Variants in EIF2B5 observed in about 807,000 individuals in gnomAD.
The protein encoded by EIF2B5 is translation initiation factor eIF2B subunit epsilon.
Under a neutral mutation model 87.3 loss-of-function variants are expected in EIF2B5, and 38 were observed. That is an observed-to-expected ratio of 0.44 (90% CI 0.34 to 0.57). EIF2B5 has a LOEUF of 0.57. Among genes scored for constraint, EIF2B5 ranks in the 20% least tolerant of loss-of-function variants. The pLI is 0.02. For synonymous variants in EIF2B5, 313 were observed against 339.6 expected (o/e 0.92, Z 0.86); for missense variants, 784 against 909.5 (o/e 0.86, Z 1.78).
chr3:184,142,875 A>C lies in EIF2B5; in HGVS notation c.1643A>C (p.Asp548Ala), dbSNP rs780453961. 1 of 1,613,608 alleles carries C rather than the reference A, an allele frequency of 6.2e-7. No homozygotes were observed. Among genetic ancestry groups the C allele is most frequent in the Non-Finnish European group, 8.5e-7 (1 of 1,179,794 alleles). ...AGCCGGGGAGGCTCCCCTCAGATGG[A>C]TGACATCAAAGGTGAGTGGCAGGGG... ...PDSRGGSPQM[D>A]DIKVFQNEVL... The change falls in exon 11 of 16, where the codon GAT (aspartate) becomes GCT (alanine). Residue 548 changes from aspartate (D) to alanine (A), a missense_variant. Asp to Ala is a moderately radical substitution (Grantham distance 126). Around this residue, in one of 3 missense-constraint regions of EIF2B5, gnomAD observed 660 missense variants for 789.5 expected, o/e 0.84. Transcript: ENST00000648915. The surrounding 1 kb of genome is among the most constrained non-coding windows in gnomAD (Gnocchi z 5.0).
At chr3:184,140,781 G>A in intron 7 of EIF2B5, 51 bp downstream of exon 7, 4 of 1,601,198 alleles carry the variant, frequency 2.5e-6, no homozygotes, top group Non-Finnish European at 3.4e-6. Context: ...AGGAACCTGG[G>A]GGGGCCACGT....
chr3:184,137,914 G>GA lies in EIF2B5; in HGVS notation c.530dup (p.Asn177LysfsTer31). 6.2e-7 allele frequency: 1 copy of GA among 1,614,128 alleles called. No homozygotes were observed. The highest frequency in any genetic ancestry group is 8.5e-7 in the Non-Finnish European group (1 of 1,180,022). On this transcript the variant is annotated frameshift_variant, in exon 4 of 16. Transcript: ENST00000648915. LOFTEE classifies it high-confidence loss of function. ...CCTTTATAGGTTGAGACGGAAGCTA[G>GA]AAAAAAATGTTTCTGTGATGACGAT...
intron 7 of EIF2B5, 95 bp downstream of exon 7, chr3:184,140,825 C>A: frequency 7.1e-7 from 1 of 1,416,008 alleles, no homozygotes; most frequent in Non-Finnish European, 9.9e-7. Context: ...ACACAAGGGA[C>A]AGTCCCTGGG....
chr3:184,135,528 T>C lies in EIF2B5; in HGVS notation c.143T>C (p.Val48Ala). Residue 48 changes from valine to alanine, a missense_variant, in exon 1 of 16, where the codon GTG becomes GCG. By Grantham distance (64) the Val-to-Ala change is moderately conservative. Around this residue, in one of 3 missense-constraint regions of EIF2B5, gnomAD observed 117 missense variants for 101.0 expected, o/e 1.16. Transcript: ENST00000648915. Reference protein sequence around the residue: ...EPPPPLQAVLVADSFDRRFFP... With the variant: ...EPPPPLQAVLAADSFDRRFFP... ...CCGCCGCCCCTACAAGCAGTTCTGGTGGCCGATAGCTTCGATCGCCGCTTC... is the reference window on the plus strand; with the variant it reads ...CCGCCGCCCCTACAAGCAGTTCTGGCGGCCGATAGCTTCGATCGCCGCTTC... 1 of 1,590,696 alleles carries C rather than the reference T, an allele frequency of 6.3e-7. No homozygotes were observed. Among genetic ancestry groups the C allele is most frequent in the Non-Finnish European group, 8.6e-7 (1 of 1,169,568 alleles).
chr3:184,138,206 A>G lies in EIF2B5; in HGVS notation c.725A>G (p.Tyr242Cys), dbSNP rs750767613. Residue 242 changes from tyrosine (Y) to cysteine (C), a missense_variant, in exon 5 of 16, where the codon TAT (tyrosine) becomes TGT (cysteine). This residue lies in a region of EIF2B5 where 660 missense variants were observed against 789.5 expected (regional missense o/e 0.84). Coordinates refer to ENST00000648915, the MANE Select transcript of EIF2B5 (RefSeq NM_003907.3). Reference protein sequence around the residue: ...QGSSDGVEVRYDLLDCHISIC... With the variant: ...QGSSDGVEVRCDLLDCHISIC... ...AGTAGTGATGGAGTGGAGGTTCGATATGATTTACTGGATTGTCATATCAGC... is the reference window on the plus strand; with the variant it reads ...AGTAGTGATGGAGTGGAGGTTCGATGTGATTTACTGGATTGTCATATCAGC... 1 of 1,614,048 alleles carries G rather than the reference A, an allele frequency of 6.2e-7. No homozygotes were observed. Among genetic ancestry groups the G allele is most frequent in the Non-Finnish European group, 8.5e-7 (1 of 1,180,026 alleles).
Position 184,145,046 on chromosome 3 carries a change from G to A in EIF2B5, c.*103G>A. On this transcript the variant is annotated 3_prime_UTR_variant, in exon 16 of 16. Coordinates refer to ENST00000648915, the MANE Select transcript of EIF2B5 (RefSeq NM_003907.3). This position sits in a 1 kb window ranked among gnomAD's most constrained non-coding sequence, Gnocchi z 4.0. ...CAGAGGGATGAGTGACCACCATCCA[G>A]GCTGAGACTGAAAGGAGCAGAGGCT... 1 of 1,042,296 alleles carries A rather than the reference G, an allele frequency of 9.6e-7. No individual in the cohort carries two copies. Among genetic ancestry groups the A allele is most frequent in the South Asian group, 1.3e-5 (1 of 76,758 alleles). 64.6% of individuals were successfully genotyped at this position (1,042,296 alleles called of 1,614,324 possible).
rs1450024732 is a variant in EIF2B5 at position 184,141,394 on chromosome 3, C to A, written c.1157-531C>A. Among the ~76,000 whole-genome samples, 8 of 152,148 alleles carry A rather than the reference C, an allele frequency of 5.3e-5. No homozygotes were observed. In the East Asian group the frequency reaches 9.6e-4, roughly 18 times the overall value. ...GACCAGCCTGGGCAACATAGCGACACCCCTTCTCCACAAATGATACAAAAA... is the reference window on the plus strand; with the variant it reads ...GACCAGCCTGGGCAACATAGCGACAACCCTTCTCCACAAATGATACAAAAA... On this transcript the variant is annotated intron_variant, in intron 7 of 15. Coordinates refer to ENST00000648915, the MANE Select transcript of EIF2B5 (RefSeq NM_003907.3).
Position 184,140,423 on chromosome 3 carries a change from A to G in EIF2B5, c.849A>G (p.Leu283=), listed in dbSNP as rs1229452758. 3.7e-6 allele frequency: 6 copies of G among 1,614,040 alleles called. No homozygotes were observed. The highest frequency in any genetic ancestry group is 4.2e-6 in the Non-Finnish European group (5 of 1,179,986). Residue 283 remains leucine (L), a synonymous_variant, in exon 7 of 16, where the codon CTA becomes CTG. Transcript: ENST00000648915. ...TCCCTTTCCTTCTCATTCAGATCCT[A>G]GGGAACCAGATCCACATGCACGTAA... The part of the protein sequence containing the change: ...VRGLLVNEEI[L]GNQIHMHVTA...
chr3:184,136,480 T>A, intron 1 of EIF2B5, 132 bp from the exon 2 acceptor site: 1 of 1,233,616 alleles, frequency 8.1e-7, no homozygotes, highest in South Asian at 1.2e-5. Context: ...CAGGAACCTG[T>A]TTATCTTTGA....
rs1391344089 is a variant in EIF2B5 at position 184,142,352 on chromosome 3, A to T, written c.1418A>T (p.Gln473Leu). ...TTCAGTGATGATTCTGGGGCTGACCAAGAAAAGGACAAAGTGAAGATGAAA... is the reference window on the plus strand; with the variant it reads ...TTCAGTGATGATTCTGGGGCTGACCTAGAAAAGGACAAAGTGAAGATGAAA... The part of the protein sequence containing the change: ...GEFSDDSGAD[Q>L]EKDKVKMKGY... The change falls in exon 9 of 16, where the codon CAA (glutamine) becomes CTA (leucine). Residue 473 changes from glutamine (Q) to leucine (L), a missense_variant. Physicochemically the swap from Gln to Leu is moderately radical, Grantham distance 113. This residue lies in a region of EIF2B5 where 660 missense variants were observed against 789.5 expected (regional missense o/e 0.84). Transcript: ENST00000648915. This position sits in a 1 kb window ranked among gnomAD's most constrained non-coding sequence, Gnocchi z 5.0. 6.2e-7 allele frequency: 1 copy of T among 1,614,066 alleles called. No homozygotes were observed. Among genetic ancestry groups the T allele is most frequent in the Non-Finnish European group, 8.5e-7 (1 of 1,180,022 alleles).
At chr3:184,144,026 A>G (rs1713753435) in intron 13 of EIF2B5, 73 bp from the exon 14 acceptor site, 1 of 1,605,206 alleles carries the variant, frequency 6.2e-7, no homozygotes, top group African/African-American at 1.3e-5. Context: ...TGTCATCAGT[A>G]TGGATTTGCT....
In EIF2B5 at chr3:184,144,997, C is replaced by G; in HGVS notation, c.*54C>G. On this transcript the variant is annotated 3_prime_UTR_variant, in exon 16 of 16. Coordinates refer to ENST00000648915, the MANE Select transcript of EIF2B5 (RefSeq NM_003907.3). ...ATTGAGTGCCCTCCTGGCTCCTGGG[C>G]TGGGACAAGTGAGGAACTAGCTGCA... 6.4e-7 allele frequency: 1 copy of G among 1,561,878 alleles called. No homozygotes were observed. Among genetic ancestry groups the G allele is most frequent in the Non-Finnish European group, 8.8e-7 (1 of 1,136,032 alleles).
At chr3:184,138,960 TTG>T (rs1400974065) in intron 5 of EIF2B5, 3 of 238,020 alleles carry the variant, frequency 1.3e-5, no homozygotes, top group Non-Finnish European at 2.6e-5. Context: ...CCAGTTTTTT[TTG>T]TTGTTGTTGT....
At chr3:184,141,871 C>T in intron 7 of EIF2B5, 54 bp from the exon 8 acceptor site, 1 of 1,611,970 alleles carries the variant, frequency 6.2e-7, no homozygotes, top group East Asian at 2.2e-5. Context: ...ATGAAGGGCT[C>T]TGCTCTGCGG....
In EIF2B5 at chr3:184,143,581, AGC is replaced by A; in HGVS notation, c.1869+17_1869+18del. On this transcript the variant is annotated intron_variant, in intron 13 of 15. Transcript: ENST00000648915. Reference sequence around the variant, plus strand: ...GCTGCTTCCTGTGAGCAAAGATTGGAGCTGAGTACAAGGGATTGGGTACAGGC... The same window carrying A: ...GCTGCTTCCTGTGAGCAAAGATTGGATGAGTACAAGGGATTGGGTACAGGC... 2 of 1,614,162 alleles carry A rather than the reference AGC, an allele frequency of 1.2e-6. No homozygotes were observed. Among genetic ancestry groups the A allele is most frequent in the African/African-American group, 2.7e-5 (2 of 75,024 alleles).
chr3:184,143,345 TTCCA>T, intron 12 of EIF2B5, 93 bp from the exon 13 acceptor site: 1 of 1,602,140 alleles, frequency 6.2e-7, no homozygotes. Context: ...TTCCATATTG[TTCCA>T]TCCAGATTCC....
chr3:184,142,070 G>C lies in EIF2B5; in HGVS notation c.1302G>C (p.Gln434His). ...AACCACGCTCTGTCCTCACTTCCCA[G>C]GTGAGACCTGATCTATACTGTGCAC... ...TLKPRSVLTS[Q>H]VVVGPNITLP... The change falls in exon 8 of 16, where the codon CAG becomes CAC. Residue 434 changes from glutamine (Q) to histidine (H), a missense_variant and splice_region_variant. Coordinates refer to ENST00000648915, the MANE Select transcript of EIF2B5 (RefSeq NM_003907.3). The surrounding 1 kb of genome is among the most constrained non-coding windows in gnomAD (Gnocchi z 5.0). 6.2e-7 allele frequency: 1 copy of C among 1,614,146 alleles called. No homozygotes were observed. Among genetic ancestry groups the C allele is most frequent in the Non-Finnish European group, 8.5e-7 (1 of 1,180,034 alleles).
Position 184,143,299 on chromosome 3 carries a change from C to T in EIF2B5, c.1746-143C>T, listed in dbSNP as rs73045908. The T allele has an allele frequency of 0.031, 45,832 of 1,493,448 alleles. 825 individuals are homozygous for T. The highest frequency in any genetic ancestry group is 0.054 in the African/African-American group (3,929 of 72,266). The allele number at this position is 1,493,448 out of a possible 1,614,324, so 92.5% of individuals were successfully genotyped here. A position where few individuals can be genotyped will look rare whatever the true frequency, so the allele number is the denominator to read the frequency against. ...CAAGGAGAGCATTATTAAGTTCTAG[C>T]CTCAGCATAGACTTTCTCCTTCCTA... On this transcript the variant is annotated intron_variant, in intron 12 of 15. Coordinates refer to ENST00000648915, the MANE Select transcript of EIF2B5 (RefSeq NM_003907.3).
Position 184,140,412 on chromosome 3 carries a change from A to G in EIF2B5, c.844-6A>G, listed in dbSNP as rs775028510. 44 of 1,613,970 alleles carry G rather than the reference A, an allele frequency of 2.7e-5. No individual in the cohort carries two copies. The highest frequency in any genetic ancestry group is 3.1e-5 in the Non-Finnish European group (36 of 1,180,026). Reference sequence around the variant, plus strand: ...CTTAGGTGACCTCCCTTTCCTTCTCATTCAGATCCTAGGGAACCAGATCCA... The same window carrying G: ...CTTAGGTGACCTCCCTTTCCTTCTCGTTCAGATCCTAGGGAACCAGATCCA... On this transcript the variant is annotated splice_region_variant and splice_polypyrimidine_tract_variant and intron_variant, in intron 6 of 15. Transcript: ENST00000648915.
Sources: allele counts gnomAD v4.1 joint callset (sites outside exome capture counted in the v4.1 genomes callset), GRCh38; gene constraint gnomAD v4.1.1; regional missense constraint gnomAD v4.1.1; non-coding constraint Gnocchi (gnomAD v3.1); transcripts MANE v1.5; gene names NCBI Gene and HGNC (gene_info 2026-07-23, HGNC 2026-07-21).